The following SESTD1 variants were observed in gnomAD, a reference collection of about 807,000 sequenced individuals.
SESTD1 encodes the protein SEC14 domain and spectrin repeat-containing protein 1.
SESTD1 carries 43 observed loss-of-function variants against 101.7 expected under a neutral mutation model. The ratio of observed to expected loss-of-function variants is 0.42; its 90% CI spans 0.33 to 0.55. SESTD1 has a LOEUF of 0.55. Among genes scored for constraint, SESTD1 ranks in the 20% least tolerant of loss-of-function variants. The pLI is 0.07. For synonymous variants in SESTD1, 283 were observed against 286.8 expected (o/e 0.99, Z 0.13); for missense variants, 647 against 815.1 (o/e 0.79, Z 2.51).
At chr2:179,199,118 G>A (rs1321517722) in intron 1 of SESTD1, among the ~76,000 whole-genome samples, 1 of 151,828 alleles carries the variant, frequency 6.6e-6, no homozygotes, top group Non-Finnish European at 1.5e-5. Flanking sequence ...AATGATAAAG[G>A]GGAAATCACC....
At chr2:179,155,764 C>A (rs537174523) in intron 5 of SESTD1, among the ~76,000 whole-genome samples, 17 of 152,256 alleles carry the variant, frequency 1.1e-4, no homozygotes, top group Admixed American at 3.9e-4. Flanking sequence ...CCATAGGTTA[C>A]TGGGGTACAG....
chr2:179,120,135 A>C (rs889430087), intron 13 of SESTD1, among the ~76,000 whole-genome samples: 1 of 152,122 alleles, frequency 6.6e-6, no homozygotes, highest in Non-Finnish European at 1.5e-5. Context: ...AGGCTGAGGC[A>C]GAAGAATCGC....
rs540808187 is a variant in SESTD1, at chr2:179,234,584, C to T, written c.-26+29915G>A. Among the ~76,000 whole-genome samples, 40 of 152,202 alleles carry T rather than the reference C, an allele frequency of 2.6e-4. No individual in the cohort carries two copies. The South Asian group carries it at 3.3e-3, about 13-fold the overall frequency. ...CTTGGGGTCAGGAGTTTGAGACCAGCCTGGCCAACATGGTGAAACCCCGTC... is the reference window on the plus strand; with the variant it reads ...CTTGGGGTCAGGAGTTTGAGACCAGTCTGGCCAACATGGTGAAACCCCGTC... On this transcript the variant is annotated intron_variant, in intron 1 of 17. Coordinates refer to ENST00000428443, the MANE Select transcript of SESTD1 (RefSeq NM_178123.5).
In SESTD1 at chr2:179,108,068, T is replaced by A. The variant is rs986271754; in HGVS notation, c.*1831A>T. On this transcript the variant is annotated 3_prime_UTR_variant, in exon 18 of 18. Transcript: ENST00000428443. The stretch of plus-strand genomic sequence containing the variant: ...AAATTGTTCCAGGAGGAAAAGGTGA[T>A]AAATATTGTCAATCTTTAATCAAGG... 2 of 152,166 alleles carry A rather than the reference T, an allele frequency of 1.3e-5. No individual in the cohort carries two copies. Among genetic ancestry groups the A allele is most frequent in the African/African-American group, 4.8e-5 (2 of 41,444 alleles). The allele number at this position is 152,166 out of a possible 1,614,324, so 9.4% of individuals were successfully genotyped here.
intron 1 of SESTD1, among the ~76,000 whole-genome samples, chr2:179,197,485 G>C (rs1272673146): frequency 2.0e-5 from 3 of 152,120 alleles, no homozygotes; most frequent in Non-Finnish European, 2.9e-5. Context: ...TTCGAGAAGA[G>C]CAACCCCAAG....
rs570032969 is a variant in SESTD1 at position 179,207,519 on chromosome 2, G to A, written c.-25-15653C>T. Among the ~76,000 whole-genome samples, 435 of 135,212 alleles carry A rather than the reference G, an allele frequency of 3.2e-3. 118 individuals carry two copies. Among genetic ancestry groups the A allele is most frequent in the African/African-American group, 0.012 (401 of 34,314 alleles). 88.7% of individuals were successfully genotyped at this position (135,212 alleles called of 152,430 possible). On this transcript the variant is annotated intron_variant, in intron 1 of 17. Coordinates refer to ENST00000428443, the MANE Select transcript of SESTD1 (RefSeq NM_178123.5). ...TGCCACCTCCACCTGAGCAGGTGCT[G>A]ATAACCACAGAGGGGAGACCTAAAG...
At chr2:179,110,247 T>C (rs967772010) in intron 17 of SESTD1, among the ~76,000 whole-genome samples, 31 of 152,170 alleles carry the variant, frequency 2.0e-4, no homozygotes, top group African/African-American at 7.5e-4. Context: ...GAGAAAAATA[T>C]ATTGATGGTA....
At chr2:179,137,498 T>A (rs1352873850) in intron 9 of SESTD1, among the ~76,000 whole-genome samples, 3 of 152,186 alleles carry the variant, frequency 2.0e-5, no homozygotes, top group African/African-American at 7.2e-5. Context: ...AGCACATGGA[T>A]GATTCTAGAA....
intron 10 of SESTD1, among the ~76,000 whole-genome samples, chr2:179,128,560 C>T (rs1466061142): frequency 6.6e-6 from 1 of 151,970 alleles, no homozygotes; most frequent in African/African-American, 2.4e-5. Flanking sequence ...GAAGCCCCGT[C>T]TCTACTAAAA....
chr2:179,195,561 C>A (rs2046377890), intron 1 of SESTD1, among the ~76,000 whole-genome samples: 2 of 152,140 alleles, frequency 1.3e-5, no homozygotes, highest in South Asian at 4.1e-4. Flanking sequence ...TAAAATATAG[C>A]CCACACTTAT....
chr2:179,138,903 C>G (rs1261950337), intron 9 of SESTD1, among the ~76,000 whole-genome samples: 1 of 143,154 alleles, frequency 7.0e-6, no homozygotes, highest in African/African-American at 2.6e-5. Context: ...AAAAAAAATC[C>G]TTCCACAAGG....
rs1192253227 is a variant in SESTD1, at chr2:179,106,962, C to CA, written c.*2936dup. 3 of 150,516 alleles carry CA rather than the reference C, an allele frequency of 2.0e-5. No homozygotes were observed. Among genetic ancestry groups the CA allele is most frequent in the Non-Finnish European group, 4.5e-5 (3 of 67,406 alleles). 9.3% of individuals were successfully genotyped at this position (150,516 alleles called of 1,614,324 possible). A position where few individuals can be genotyped will look rare whatever the true frequency, so the allele number is the denominator to read the frequency against. On this transcript the variant is annotated 3_prime_UTR_variant, in exon 18 of 18. Coordinates refer to ENST00000428443, the MANE Select transcript of SESTD1 (RefSeq NM_178123.5). The stretch of plus-strand genomic sequence containing the variant: ...AAGAAAAAAAAAATCCTCAAACAAA[C>CA]AAAAAAACCCAAAAAAACCAAAACA...
chr2:179,125,345 C>T (rs2044847727), intron 10 of SESTD1, among the ~76,000 whole-genome samples: 1 of 152,184 alleles, frequency 6.6e-6, no homozygotes, highest in East Asian at 1.9e-4. Flanking sequence ...CACTTCCATC[C>T]TTGATCAAAG....
At chr2:179,145,398 A>C (rs2045372795) in intron 8 of SESTD1, among the ~76,000 whole-genome samples, 1 of 152,194 alleles carries the variant, frequency 6.6e-6, no homozygotes, top group Admixed American at 6.5e-5. Context: ...TCCCATCTTA[A>C]AATTGGAATG....
At chr2:179,185,901 T>C (rs1559134554) in intron 2 of SESTD1, among the ~76,000 whole-genome samples, 3 of 135,722 alleles carry the variant, frequency 2.2e-5, no homozygotes, top group Non-Finnish European at 1.5e-5. Context: ...CAATATAGTA[T>C]ATTATATACA....
intron 5 of SESTD1, among the ~76,000 whole-genome samples, chr2:179,162,851 C>T (rs533370186): frequency 6.7e-6 from 1 of 149,392 alleles, no homozygotes; most frequent in Non-Finnish European, 1.5e-5. Flanking sequence ...ATTAGCTGGG[C>T]GTGGTGGTGC....
chr2:179,219,156 T>G (rs1316442267), intron 1 of SESTD1, among the ~76,000 whole-genome samples: 2 of 152,034 alleles, frequency 1.3e-5, no homozygotes, highest in Non-Finnish European at 2.9e-5. Flanking sequence ...TGGACATCAG[T>G]GGGTGCCATC....
intron 1 of SESTD1, among the ~76,000 whole-genome samples, chr2:179,211,300 G>GA (rs200037836): frequency 7.6e-6 from 1 of 130,818 alleles, no homozygotes; most frequent in Non-Finnish European, 1.6e-5. Flanking sequence ...CACAGAATTA[G>GA]AAAAAAAATC....
At chr2:179,228,093 T>A (rs2046917068) in intron 1 of SESTD1, among the ~76,000 whole-genome samples, 1 of 152,194 alleles carries the variant, frequency 6.6e-6, no homozygotes, top group Non-Finnish European at 1.5e-5. Context: ...ATCTACCATC[T>A]ATCAATCACT....
Sources: allele counts gnomAD v4.1 joint callset (sites outside exome capture counted in the v4.1 genomes callset), GRCh38; gene constraint gnomAD v4.1.1; transcripts MANE v1.5; gene names NCBI Gene and HGNC (gene_info 2026-07-23, HGNC 2026-07-21).